The following TMEM178B variants were observed in gnomAD, a reference collection of about 807,000 sequenced individuals.
TMEM178B encodes the protein transmembrane protein 178B.
TMEM178B carries 5 observed loss-of-function variants against 31.0 expected under a neutral mutation model. The ratio of observed to expected loss-of-function variants is 0.16; its 90% CI spans 0.08 to 0.34. TMEM178B has a LOEUF of 0.34. Among genes scored for constraint, TMEM178B ranks in the 10% least tolerant of loss-of-function variants. The pLI, the probability that TMEM178B is intolerant of heterozygous loss-of-function variation, is 1.00. For synonymous variants in TMEM178B, 164 were observed against 164.0 expected, an observed-to-expected ratio of 1.00 and a Z score of 0.00; for missense variants, 275 against 400.3, an observed-to-expected ratio of 0.69 and a Z score of 2.67.
chr7:141,437,979 G>C (rs1801580076), intron 3 of TMEM178B, among the ~76,000 whole-genome samples: 1 of 152,232 alleles, frequency 6.6e-6, no homozygotes, highest in Non-Finnish European at 1.5e-5. Flanking sequence ...GCTCAGAGCT[G>C]ACTGCCTGTG....
intron 2 of TMEM178B, among the ~76,000 whole-genome samples, chr7:141,346,932 G>A (rs1197656423): frequency 2.0e-5 from 3 of 152,136 alleles, no homozygotes; most frequent in Non-Finnish European, 2.9e-5. Context: ...TTGTGGGTGT[G>A]GTGTCTAGTG....
chr7:141,384,243 T>C (rs1383346633), intron 2 of TMEM178B, among the ~76,000 whole-genome samples: 1 of 152,212 alleles, frequency 6.6e-6, no homozygotes, highest in Non-Finnish European at 1.5e-5. Context: ...TTTGTCAATT[T>C]TGGCTTTTGT....
intron 1 of TMEM178B, among the ~76,000 whole-genome samples, chr7:141,078,392 C>T (rs1344261489): frequency 6.6e-6 from 1 of 151,850 alleles, no homozygotes; most frequent in Admixed American, 6.6e-5. Flanking sequence ...TAAAGAGTTC[C>T]CATAATCACA....
At chr7:141,506,371 C>T in the TMEM178B span, among the ~76,000 whole-genome samples, 1 of 152,194 alleles carries the variant, frequency 6.6e-6, no homozygotes, top group African/African-American at 2.4e-5. Context: ...TTTAATTGGA[C>T]TTACAGTTCC....
At chr7:141,367,063 CA>C (rs553599969) in intron 2 of TMEM178B, among the ~76,000 whole-genome samples, 1,165 of 88,946 alleles carry the variant, frequency 0.013, 15 homozygotes, top group African/African-American at 0.048. Flanking sequence ...TGCTGCCATT[CA>C]GGGGGAGCCA....
At chr7:141,482,431 A>T (rs575823996), downstream of TMEM178B, among the ~76,000 whole-genome samples, 40 of 152,328 alleles carry the variant, frequency 2.6e-4, no homozygotes, top group African/African-American at 9.4e-4. Context: ...GCAGGCACTA[A>T]GCTGTCTTGA....
intron 2 of TMEM178B, among the ~76,000 whole-genome samples, chr7:141,261,904 C>G (rs925931778): frequency 6.6e-6 from 1 of 152,142 alleles, no homozygotes. Flanking sequence ...CTGGAAGGAA[C>G]CTTGCTAGGC....
chr7:141,356,321 T>C (rs532064069), intron 2 of TMEM178B, among the ~76,000 whole-genome samples: 5 of 152,174 alleles, frequency 3.3e-5, no homozygotes, highest in Non-Finnish European at 5.9e-5. Context: ...CTGAACGAGT[T>C]TACATTCCCA....
At chr7:141,389,697 C>A (rs1447424022) in intron 2 of TMEM178B, among the ~76,000 whole-genome samples, 3 of 152,166 alleles carry the variant, frequency 2.0e-5, no homozygotes, top group African/African-American at 4.8e-5. Flanking sequence ...TGTCCTTGAT[C>A]AGTGTCAAAG....
intron 1 of TMEM178B, among the ~76,000 whole-genome samples, chr7:141,188,521 C>T (rs16882396): frequency 6.6e-6 from 1 of 152,170 alleles, no homozygotes; most frequent in Non-Finnish European, 1.5e-5. Context: ...AAGAGACTTG[C>T]CCAGTTATAC....
chr7:141,383,578 A>G (rs1217756484), intron 2 of TMEM178B, among the ~76,000 whole-genome samples: 3 of 152,100 alleles, frequency 2.0e-5, no homozygotes, highest in Non-Finnish European at 2.9e-5. Flanking sequence ...ATAGTATTCC[A>G]TGGTGTATAT....
rs1799569586 is a variant in TMEM178B, at chr7:141,344,276, A to AT, written c.497-93330dup. ...CATTTTAAAGATCAGAACAGTGAGG[A>AT]TTAGAGTGATTGAGTAACTGGTCCT... On this transcript the variant is annotated intron_variant, in intron 2 of 3. Coordinates refer to ENST00000565468, the MANE Select transcript of TMEM178B (RefSeq NM_001195278.2). The surrounding 1 kb of genome is among the most constrained non-coding windows in gnomAD (Gnocchi z 4.1). Among the ~76,000 whole-genome samples the AT allele has an allele frequency of 6.6e-6, 1 of 152,158 alleles. No individual in the cohort carries two copies. The highest frequency in any genetic ancestry group is 1.5e-5 in the Non-Finnish European group (1 of 68,034).
intron 1 of TMEM178B, among the ~76,000 whole-genome samples, chr7:141,094,484 T>C (rs940058433): frequency 4.6e-5 from 7 of 152,210 alleles, no homozygotes; most frequent in African/African-American, 1.7e-4. Context: ...AAAAAGGATC[T>C]CTGGTCAGAG....
intron 3 of TMEM178B, among the ~76,000 whole-genome samples, chr7:141,456,567 T>C (rs1801968257): frequency 6.6e-6 from 1 of 152,154 alleles, no homozygotes; most frequent in Non-Finnish European, 1.5e-5. Context: ...TGCGGCTTTC[T>C]TTGCAAAAGC....
chr7:141,406,548 T>A (rs1322162796), intron 2 of TMEM178B, among the ~76,000 whole-genome samples: 1 of 152,260 alleles, frequency 6.6e-6, no homozygotes, highest in Admixed American at 6.5e-5. Context: ...ATTGCACTGA[T>A]GTTGTTACAC....
At chr7:141,274,146 C>T (rs1798229939) in intron 2 of TMEM178B, among the ~76,000 whole-genome samples, 1 of 152,206 alleles carries the variant, frequency 6.6e-6, no homozygotes. Flanking sequence ...AGTTCCCATT[C>T]ACTCCCCCGC....
At chr7:141,485,458 A>G in the TMEM178B span, among the ~76,000 whole-genome samples, 1 of 152,166 alleles carries the variant, frequency 6.6e-6, no homozygotes, top group Non-Finnish European at 1.5e-5. Context: ...TACCTGCCTC[A>G]CAACATTGTT....
At chr7:141,257,240 A>G (rs1159515966) in intron 2 of TMEM178B, among the ~76,000 whole-genome samples, 1 of 152,240 alleles carries the variant, frequency 6.6e-6, no homozygotes, top group Non-Finnish European at 1.5e-5. Context: ...TGAGGTGAAA[A>G]TTCAGAACCA....
intron 2 of TMEM178B, among the ~76,000 whole-genome samples, chr7:141,419,852 T>C (rs1055029004): frequency 1.3e-5 from 2 of 152,188 alleles, no homozygotes; most frequent in African/African-American, 4.8e-5. Context: ...ATCACTACGA[T>C]CTATTATATG....
Sources: gnomAD v4.1 joint callset for allele counts (sites outside exome capture counted in the v4.1 genomes callset) on GRCh38, gnomAD v4.1.1 for gene constraint, Gnocchi (gnomAD v3.1) non-coding constraint, MANE v1.5 for transcripts, NCBI Gene and HGNC (gene_info 2026-07-23, HGNC 2026-07-21) for gene names.